The following MMP14 variants were observed in gnomAD, a reference collection of about 807,000 sequenced individuals.
MMP14 encodes the protein matrix metallopeptidase 14.
Under a neutral mutation model 64.8 loss-of-function variants are expected in MMP14, and 13 were observed. The ratio of observed to expected loss-of-function variants is 0.20; its 90% CI spans 0.13 to 0.32. The LOEUF (loss-of-function observed/expected upper bound fraction) is 0.32. Among genes scored for constraint, MMP14 ranks in the 10% least tolerant of loss-of-function variants. The probability of loss-of-function intolerance (pLI) is 1.00; values close to 1 mark genes in which losing one functional copy is unlikely to be tolerated. For synonymous variants in MMP14, 322 were observed against 315.9 expected, an observed-to-expected ratio of 1.02 and a Z score of -0.20; for missense variants, 594 against 783.8, an observed-to-expected ratio of 0.76 and a Z score of 2.89.
At chr14:22,841,060 A>C (rs550413323) in intron 1 of MMP14, among the ~76,000 whole-genome samples, 1 of 152,352 alleles carries the variant, frequency 6.6e-6, no homozygotes, top group Admixed American at 6.5e-5. Context: ...GGTCAAGCCC[A>C]ATAGTAGAGC....
intron 9 of MMP14, 144 bp from the exon 10 acceptor site, chr14:22,845,564 C>T (rs773623613): frequency 1.1e-5 from 11 of 970,248 alleles, no homozygotes; most frequent in Non-Finnish European, 1.7e-5. Context: ...TATAAGCACC[C>T]CCATTTTACA....
At chr14:22,839,443 A>G (rs17881960) in intron 1 of MMP14, among the ~76,000 whole-genome samples, 1 of 152,236 alleles carries the variant, frequency 6.6e-6, no homozygotes, top group African/African-American at 2.4e-5. Context: ...TCCCTCTGGT[A>G]TACCAAAGGT....
chr14:22,841,057 C>T lies in MMP14; in HGVS notation c.109-434C>T, dbSNP rs17884624. 4.0e-3 allele frequency among the ~76,000 whole-genome samples: 606 copies of T among 152,350 alleles called. 3 individuals are homozygous for T. Among genetic ancestry groups the T allele is most frequent in the African/African-American group, 0.014 (591 of 41,582 alleles). ...CATCCCAGGAGGGCCTCAGGTCAAGCCCAATAGTAGAGCTCACTCAGCCTG... is the reference window on the plus strand; with the variant it reads ...CATCCCAGGAGGGCCTCAGGTCAAGTCCAATAGTAGAGCTCACTCAGCCTG... On this transcript the variant is annotated intron_variant, in intron 1 of 9. Transcript: ENST00000311852.
In MMP14 at chr14:22,842,046, C is replaced by A. The variant is rs753455164; in HGVS notation, c.380+11C>A. The A allele has an allele frequency of 6.2e-7, 1 of 1,614,162 alleles. No homozygotes were observed. The highest frequency in any genetic ancestry group is 1.1e-5 in the South Asian group (1 of 91,078). On this transcript the variant is annotated intron_variant, in intron 3 of 9. Coordinates refer to ENST00000311852, the MANE Select transcript of MMP14 (RefSeq NM_004995.4). This position sits in a 1 kb window ranked among gnomAD's most constrained non-coding sequence, Gnocchi z 5.3. ...TGAAATCACTTTCTGGTGAGTCCAA[C>A]AGGCAAGCAACCTTTCTCACATCTG...
At chr14:22,837,044 C>A in intron 1 of MMP14, 119 bp downstream of exon 1, 1 of 759,602 alleles carries the variant, frequency 1.3e-6, no homozygotes, top group Non-Finnish European at 2.3e-6. Flanking sequence ...CTGCTCAGGC[C>A]TGCAGGATTC....
At chr14:22,837,794 G>A (rs1377224730) in intron 1 of MMP14, among the ~76,000 whole-genome samples, 1 of 152,206 alleles carries the variant, frequency 6.6e-6, no homozygotes, top group Non-Finnish European at 1.5e-5. Flanking sequence ...GGCCCAGACG[G>A]TGGCCCACCG....
rs1002046288 is a variant in MMP14, at chr14:22,842,272, C to A, written c.381-138C>A. On this transcript the variant is annotated intron_variant, in intron 3 of 9. Transcript: ENST00000311852. The surrounding 1 kb of genome is among the most constrained non-coding windows in gnomAD (Gnocchi z 5.3). ...TTGTTCTTGAGACAGAGGCGTTGCG[C>A]ATGAGGTAGCAGGAAGAGCTGGGTC... is the stretch of plus-strand genomic sequence containing the variant. 1 of 1,083,770 alleles carries A rather than the reference C, an allele frequency of 9.2e-7. No homozygotes were observed. The highest frequency in any genetic ancestry group is 1.3e-6 in the Non-Finnish European group (1 of 754,126). 67.1% of individuals were successfully genotyped at this position (1,083,770 alleles called of 1,614,324 possible). A position where few individuals can be genotyped will look rare whatever the true frequency, so the allele number is the denominator to read the frequency against.
chr14:22,845,879 A>T lies in MMP14; in HGVS notation c.1589A>T (p.Asp530Val). 6.2e-7 allele frequency: 1 copy of T among 1,613,932 alleles called. No homozygotes were observed. The highest frequency in any genetic ancestry group is 8.5e-7 in the Non-Finnish European group (1 of 1,179,920). ...ACGGAGGTGATCATCATTGAGGTGG[A>T]CGAGGAGGGCGGCGGGGCGGTGAGC... ...EETEVIIIEV[D>V]EEGGGAVSAA... The change falls in exon 10 of 10, where the codon GAC (aspartate) becomes GTC (valine). Residue 530 changes from aspartate to valine, a missense_variant. Asp to Val is a radical substitution (Grantham distance 152). Coordinates refer to ENST00000311852, the MANE Select transcript of MMP14 (RefSeq NM_004995.4).
At position 22,844,789 on chromosome 14, in the gene MMP14, TCAACCCC is replaced by T; in HGVS notation, c.1301+10_1301+16del. ...TTCTTCCGTGGAAACAAGTAAGACC[TCAACCCC>T]TTAACCCCAGGCCTCCCTCAGAAAC... is the stretch of plus-strand genomic sequence containing the variant. On this transcript the variant is annotated intron_variant, in intron 8 of 9. Coordinates refer to ENST00000311852, the MANE Select transcript of MMP14 (RefSeq NM_004995.4). The T allele has an allele frequency of 6.2e-7, 1 of 1,613,962 alleles. No homozygotes were observed. The highest frequency in any genetic ancestry group is 8.5e-7 in the Non-Finnish European group (1 of 1,179,958).
chr14:22,844,436 G>C lies in MMP14; in HGVS notation c.1077G>C (p.Gln359His), dbSNP rs1315172981. The C allele has an allele frequency of 6.2e-7, 1 of 1,614,054 alleles. No individual in the cohort carries two copies. The highest frequency in any genetic ancestry group is 8.5e-7 in the Non-Finnish European group (1 of 1,180,034). The change falls in exon 7 of 10, where the codon CAG (glutamine) becomes CAC (histidine). Residue 359 changes from glutamine (Q) to histidine (H), a missense_variant. Transcript: ENST00000311852. ...ATGGATACCCAATGCCCATTGGCCA[G>C]TTCTGGCGGGGCCTGCCTGCGTCCA... is the stretch of plus-strand genomic sequence containing the variant. Reference protein sequence around the residue: ...VMDGYPMPIGQFWRGLPASIN... With the variant: ...VMDGYPMPIGHFWRGLPASIN...
intron 1 of MMP14, chr14:22,837,366 C>T (rs373822195): frequency 6.6e-6 from 3 of 456,574 alleles, no homozygotes; most frequent in Non-Finnish European, 8.8e-6. Flanking sequence ...GCTCTCCCGC[C>T]GGCGCGCCCT....
At position 22,845,492 on chromosome 14, in the gene MMP14, C is replaced by T. The variant is rs1054192832; in HGVS notation, c.1417+126C>T. The T allele has an allele frequency of 1.9e-5, 16 of 860,692 alleles. No homozygotes were observed. In the East Asian group the frequency reaches 2.3e-4, roughly 12 times the overall value. 53.3% of individuals were successfully genotyped at this position (860,692 alleles called of 1,614,324 possible). A position where few individuals can be genotyped will look rare whatever the true frequency, so the allele number is the denominator to read the frequency against. ...GGCGATGATAATACCACATACCAGG[C>T]GCTGGGCTAGGTGCTTCCACACGTG... On this transcript the variant is annotated intron_variant, in intron 9 of 9. Coordinates refer to ENST00000311852, the MANE Select transcript of MMP14 (RefSeq NM_004995.4).
chr14:22,844,903 A>G (rs922217454), intron 8 of MMP14, 123 bp downstream of exon 8: 19 of 1,367,372 alleles, frequency 1.4e-5, no homozygotes, highest in South Asian at 3.9e-5. Context: ...GAGCTGGCTG[A>G]GCCTCTGCTG....
intron 9 of MMP14, 118 bp downstream of exon 9, chr14:22,845,484 A>G: frequency 2.3e-6 from 2 of 874,142 alleles, no homozygotes; most frequent in Non-Finnish European, 3.5e-6. Flanking sequence ...ATAATACCAC[A>G]TACCAGGCGC....
chr14:22,836,857 C>A lies in MMP14; in HGVS notation c.40C>A (p.Pro14Thr). The change falls in exon 1 of 10, where the codon CCC becomes ACC. Residue 14 changes from proline (P) to threonine (T), a missense_variant. Physicochemically the swap from Pro to Thr is conservative, Grantham distance 38. This residue lies in a region of MMP14 where 45 missense variants were observed against 48.8 expected (regional missense o/e 0.92). Coordinates refer to ENST00000311852, the MANE Select transcript of MMP14 (RefSeq NM_004995.4). ...AAGACCCCCCCGTTGTCTCCTGCTC[C>A]CCCTGCTCACGCTCGGCACCGCGCT... ...APRPPRCLLL[P>T]LLTLGTALAS... 6.2e-7 allele frequency: 1 copy of A among 1,613,628 alleles called. No homozygotes were observed.
chr14:22,836,815 A>C lies in MMP14; in HGVS notation c.-3A>C. ...TGCCCGGCTGACCCGGTGGTCTCGGACCATGTCTCCCGCCCCAAGACCCCC... is the reference window on the plus strand; with the variant it reads ...TGCCCGGCTGACCCGGTGGTCTCGGCCCATGTCTCCCGCCCCAAGACCCCC... On this transcript the variant is annotated 5_prime_UTR_variant, in exon 1 of 10. Coordinates refer to ENST00000311852, the MANE Select transcript of MMP14 (RefSeq NM_004995.4). The C allele has an allele frequency of 6.3e-7, 1 of 1,592,296 alleles. No individual in the cohort carries two copies. The highest frequency in any genetic ancestry group is 8.6e-7 in the Non-Finnish European group (1 of 1,164,976).
chr14:22,845,380 G>T lies in MMP14; in HGVS notation c.1417+14G>T. On this transcript the variant is annotated intron_variant, in intron 9 of 9. Transcript: ENST00000311852. Reference sequence around the variant, plus strand: ...GCAGCGATGAAGGTGAGAGGGGCAAGGGAAGGTGTCGCTGAGAGAAGGATG... The same window carrying T: ...GCAGCGATGAAGGTGAGAGGGGCAATGGAAGGTGTCGCTGAGAGAAGGATG... The T allele has an allele frequency of 6.4e-7, 1 of 1,567,346 alleles. No homozygotes were observed. The highest frequency in any genetic ancestry group is 1.1e-5 in the South Asian group (1 of 87,136).
At position 22,841,601 on chromosome 14, in the gene MMP14, C is replaced by T; in HGVS notation, c.219C>T (p.Gly73=). Reference sequence around the variant, plus strand: ...TCGCTGCCATGCAGAAGTTTTACGGCTTGCAAGTAACAGGCAAAGCTGATG... The same window carrying T: ...TCGCTGCCATGCAGAAGTTTTACGGTTTGCAAGTAACAGGCAAAGCTGATG... ...AAIAAMQKFY[G]LQVTGKADAD... is the part of the protein sequence containing the mutation. The change falls in exon 2 of 10, where the codon GGC becomes GGT. Residue 73 remains glycine, a synonymous_variant. Coordinates refer to ENST00000311852, the MANE Select transcript of MMP14 (RefSeq NM_004995.4). 1 of 1,614,118 alleles carries T rather than the reference C, an allele frequency of 6.2e-7. No homozygotes were observed. The highest frequency in any genetic ancestry group is 8.5e-7 in the Non-Finnish European group (1 of 1,180,016).
Position 22,843,675 on chromosome 14 carries a change from T to G in MMP14, c.851-35T>G. On this transcript the variant is annotated intron_variant, in intron 5 of 9. Transcript: ENST00000311852. This position sits in a 1 kb window ranked among gnomAD's most constrained non-coding sequence, Gnocchi z 4.8. ...CTGTCCTTCCGTCCCCGCCTCCTCCTAAGTCTGAAATGCCCCTCGTGTTTT... is the reference window on the plus strand; with the variant it reads ...CTGTCCTTCCGTCCCCGCCTCCTCCGAAGTCTGAAATGCCCCTCGTGTTTT... 6.3e-7 allele frequency: 1 copy of G among 1,575,356 alleles called. No homozygotes were observed. The highest frequency in any genetic ancestry group is 8.6e-7 in the Non-Finnish European group (1 of 1,163,634).
Sources: gnomAD v4.1 joint callset for allele counts (sites outside exome capture counted in the v4.1 genomes callset) on GRCh38, gnomAD v4.1.1 for gene constraint, gnomAD v4.1.1 regional missense constraint, Gnocchi (gnomAD v3.1) non-coding constraint, MANE v1.5 for transcripts, NCBI Gene and HGNC (gene_info 2026-07-23, HGNC 2026-07-21) for gene names.